Variants in PDE4B observed in about 807,000 individuals in gnomAD.
PDE4B encodes phosphodiesterase 4B, also known as 3',5'-cyclic-AMP phosphodiesterase 4B.
A neutral mutation model predicts 82.2 loss-of-function variants in PDE4B; 20 were observed. The ratio of observed to expected loss-of-function variants is 0.24; its 90% CI spans 0.17 to 0.35. The LOEUF is 0.35. Ranked by LOEUF, PDE4B falls within the 10% of genes least tolerant of loss-of-function variation. PDE4B has a pLI of 1.00. For missense variants in PDE4B, 655 were observed against 907.2 expected (o/e 0.72, Z 3.57); for synonymous variants, 320 against 318.9 (o/e 1.00, Z -0.04).
intron 1 of PDE4B, among the ~76,000 whole-genome samples, chr1:65,856,237 C>T (rs12141435): frequency 0.13 from 20,431 of 152,024 alleles, 1,455 homozygotes; most frequent in South Asian, 0.17. Context: ...ATGGGCAGAA[C>T]GTGCAGGTTT....
At chr1:66,205,614 A>G (rs1022284256) in intron 3 of PDE4B, among the ~76,000 whole-genome samples, 1 of 152,218 alleles carries the variant, frequency 6.6e-6, no homozygotes, top group African/African-American at 2.4e-5. Flanking sequence ...CACTCTCACA[A>G]TAGAATAATA....
intron 1 of PDE4B, among the ~76,000 whole-genome samples, chr1:65,814,521 A>C (rs1253812366): frequency 1.3e-5 from 2 of 152,188 alleles, no homozygotes; most frequent in African/African-American, 2.4e-5. Context: ...GTGACTATTG[A>C]CAAATGTGTT....
At chr1:66,281,453 T>C (rs535241231) in intron 7 of PDE4B, among the ~76,000 whole-genome samples, 8 of 152,354 alleles carry the variant, frequency 5.3e-5, no homozygotes, top group Admixed American at 5.2e-4. Context: ...TGGGTTTCTC[T>C]GGGAGGTGAT....
intron 1 of PDE4B, among the ~76,000 whole-genome samples, chr1:65,887,249 T>TTCTG (rs1553196110): frequency 2.7e-5 from 1 of 36,562 alleles, no homozygotes; most frequent in Non-Finnish European, 5.6e-5. Context: ...TTTCTTTCTT[T>TTCTG]TCTTTCTTTC....
chr1:65,901,470 A>C (rs1436867988), intron 1 of PDE4B, among the ~76,000 whole-genome samples: 1 of 152,116 alleles, frequency 6.6e-6, no homozygotes, highest in Admixed American at 6.6e-5. Context: ...AGAATGAATT[A>C]GGGAGAAGTG....
At chr1:65,993,755 T>G (rs1263466862) in intron 3 of PDE4B, among the ~76,000 whole-genome samples, 1 of 152,160 alleles carries the variant, frequency 6.6e-6, no homozygotes, top group South Asian at 2.1e-4. Flanking sequence ...TTTAAGAGCT[T>G]CTTTTTTTAA....
intron 3 of PDE4B, among the ~76,000 whole-genome samples, chr1:66,223,269 G>A (rs1385024213): frequency 1.3e-5 from 2 of 152,158 alleles, no homozygotes; most frequent in African/African-American, 4.8e-5. Flanking sequence ...TGTCAGATAA[G>A]ATTCTCAGAC....
intron 7 of PDE4B, among the ~76,000 whole-genome samples, chr1:66,329,802 A>G (rs1316674886): frequency 6.6e-6 from 1 of 152,214 alleles, no homozygotes; most frequent in East Asian, 1.9e-4. Flanking sequence ...GGTAGAAGAG[A>G]AAGTCAATAT....
chr1:66,102,309 G>T (rs893456592), intron 3 of PDE4B, among the ~76,000 whole-genome samples: 1 of 151,980 alleles, frequency 6.6e-6, no homozygotes, highest in Non-Finnish European at 1.5e-5. Flanking sequence ...TCGTGTTTTC[G>T]GGGAGAATGG....
chr1:65,852,413 G>A (rs557973460), intron 1 of PDE4B, among the ~76,000 whole-genome samples: 61 of 151,702 alleles, frequency 4.0e-4, no homozygotes, highest in African/African-American at 1.4e-3. Context: ...TATTCATAAT[G>A]TTTTCAATAA....
chr1:65,832,156 A>C (rs187134102), intron 1 of PDE4B, among the ~76,000 whole-genome samples: 5 of 152,310 alleles, frequency 3.3e-5, no homozygotes, highest in Non-Finnish European at 1.5e-5. Context: ...AGAAATAATC[A>C]CAATGTCTAG....
chr1:66,305,584 A>G (rs1658214821), intron 7 of PDE4B, among the ~76,000 whole-genome samples: 2 of 152,158 alleles, frequency 1.3e-5, no homozygotes, highest in Non-Finnish European at 2.9e-5. Context: ...AAGGTGGACC[A>G]GGGTGATTTG....
intron 3 of PDE4B, among the ~76,000 whole-genome samples, chr1:66,245,142 G>A (rs1653203483): frequency 6.6e-6 from 1 of 152,186 alleles, no homozygotes. Context: ...CATGAGCACT[G>A]ATGAATTAAT....
intron 3 of PDE4B, among the ~76,000 whole-genome samples, chr1:66,193,709 A>T (rs1232839228): frequency 1.3e-5 from 2 of 152,168 alleles, no homozygotes; most frequent in African/African-American, 4.8e-5. Context: ...AATTCTTTAA[A>T]TTGTAGCTGA....
intron 7 of PDE4B, among the ~76,000 whole-genome samples, chr1:66,314,784 A>G (rs1658911687): frequency 1.3e-5 from 2 of 152,220 alleles, no homozygotes; most frequent in South Asian, 4.1e-4. Flanking sequence ...TTTGGCCGCC[A>G]TGCCATTCCG....
chr1:66,132,119 T>C (rs1361686927), intron 3 of PDE4B, among the ~76,000 whole-genome samples: 1 of 152,176 alleles, frequency 6.6e-6, no homozygotes, highest in Non-Finnish European at 1.5e-5. Context: ...GATAAGTTTT[T>C]AGTGTGTTCT....
chr1:66,266,660 C>T (rs778909255), intron 7 of PDE4B: 2 of 518,330 alleles, frequency 3.9e-6, no homozygotes, highest in East Asian at 5.5e-5. Flanking sequence ...AACCTAACCT[C>T]TCATCTTTCA....
At chr1:66,278,010 G>T (rs183162334) in intron 7 of PDE4B, among the ~76,000 whole-genome samples, 1 of 152,304 alleles carries the variant, frequency 6.6e-6, no homozygotes, top group Non-Finnish European at 1.5e-5. Context: ...AAAACACTTA[G>T]AACAGTGGCT....
intron 3 of PDE4B, among the ~76,000 whole-genome samples, chr1:66,234,267 AG>A (rs1229311637): frequency 2.0e-5 from 3 of 152,282 alleles, no homozygotes; most frequent in African/African-American, 4.8e-5. Context: ...ACTTCATTGA[AG>A]TTGTCAAATG....
Sources: gnomAD v4.1 joint callset for allele counts (sites outside exome capture counted in the v4.1 genomes callset) on GRCh38, gnomAD v4.1.1 for gene constraint, MANE v1.5 for transcripts, NCBI Gene and HGNC (gene_info 2026-07-23, HGNC 2026-07-21) for gene names.